Variants in STK24 observed in about 807,000 individuals in gnomAD.
STK24 encodes the protein serine/threonine kinase 24.
Under a neutral mutation model 55.6 loss-of-function variants are expected in STK24, and 21 were observed. The ratio of observed to expected loss-of-function variants is 0.38; its 90% confidence interval spans 0.27 to 0.54. STK24 has a LOEUF of 0.54. STK24 is among the 20% of genes least tolerant of loss of function. The probability of loss-of-function intolerance (pLI) is 0.79; values close to 1 mark genes in which losing one functional copy is unlikely to be tolerated. For missense variants in STK24, 383 were observed against 538.4 expected, an observed-to-expected ratio of 0.71 and a Z score of 2.86; for synonymous variants, 200 against 215.2, an observed-to-expected ratio of 0.93 and a Z score of 0.62.
At chr13:98,564,195 T>C (rs1897507101) in intron 1 of STK24, among the ~76,000 whole-genome samples, 1 of 152,194 alleles carries the variant, frequency 6.6e-6, no homozygotes, top group African/African-American at 2.4e-5. Flanking sequence ...GTATTACATT[T>C]AGTTAAGTGT....
chr13:98,476,572 G>A (rs1015166216), intron 3 of STK24, among the ~76,000 whole-genome samples: 10 of 152,240 alleles, frequency 6.6e-5, no homozygotes, highest in Admixed American at 6.5e-4. Context: ...GGAAGCATCC[G>A]ACTCAGGCGT....
chr13:98,546,622 C>T (rs546370438), intron 1 of STK24, among the ~76,000 whole-genome samples: 1 of 152,286 alleles, frequency 6.6e-6, no homozygotes, highest in South Asian at 2.1e-4. Context: ...GCCAGCTTAT[C>T]CTCCAAACAT....
Position 98,498,138 on chromosome 13 carries a change from G to T in STK24, c.274-15817C>A, listed in dbSNP as rs554482064. Among the ~76,000 whole-genome samples, 1,383 of 152,322 alleles carry T rather than the reference G, an allele frequency of 9.1e-3. 18 individuals are homozygous for T. The highest frequency in any genetic ancestry group is 0.03 in the African/African-American group (1,262 of 41,560). On this transcript the variant is annotated intron_variant, in intron 2 of 10. Transcript: ENST00000539966. Reference sequence around the variant, plus strand: ...GTTAGCTGAGCACTGATGGTCTATTGTTTGAACTGTTGATAGAGATATGAT... The same window carrying T: ...GTTAGCTGAGCACTGATGGTCTATTTTTTGAACTGTTGATAGAGATATGAT...
intron 2 of STK24, among the ~76,000 whole-genome samples, chr13:98,512,859 A>G (rs1226390929): frequency 6.6e-6 from 1 of 152,260 alleles, no homozygotes; most frequent in Non-Finnish European, 1.5e-5. Context: ...GACTCCACTC[A>G]GTGAGGGAGG....
intron 1 of STK24, 24 bp downstream of exon 1, chr13:98,576,721 G>A (rs1188864489): frequency 2.1e-6 from 3 of 1,458,058 alleles, no homozygotes; most frequent in Middle Eastern, 2.3e-4. Flanking sequence ...GCGCATCCCG[G>A]CCCCGCGGCC....
rs536078125 is a variant in STK24, at chr13:98,449,094, G to C, written c.*4079C>G. The C allele has an allele frequency of 6.6e-6, 1 of 152,182 alleles. No individual in the cohort carries two copies. Among genetic ancestry groups the C allele is most frequent in the African/African-American group, 2.4e-5 (1 of 41,426 alleles). The allele number at this position is 152,182 out of a possible 1,614,324, so 9.4% of individuals were successfully genotyped here. A position where few individuals can be genotyped will look rare whatever the true frequency, so the allele number is the denominator to read the frequency against. Reference sequence around the variant, plus strand: ...GTACACAATGGGAAGATAATAAGCCGTGGTGTTTTGCTGTCTGTCTGTGTC... The same window carrying C: ...GTACACAATGGGAAGATAATAAGCCCTGGTGTTTTGCTGTCTGTCTGTGTC... On this transcript the variant is annotated 3_prime_UTR_variant, in exon 11 of 11. Transcript: ENST00000539966.
chr13:98,489,446 C>G (rs181912291), intron 2 of STK24, among the ~76,000 whole-genome samples: 2 of 152,336 alleles, frequency 1.3e-5, no homozygotes, highest in Non-Finnish European at 2.9e-5. Flanking sequence ...TTAACTGATT[C>G]ATCTAACACA....
chr13:98,519,221 A>G (rs777130089), intron 2 of STK24, 22 bp downstream of exon 2: 4 of 1,596,924 alleles, frequency 2.5e-6, no homozygotes, highest in East Asian at 4.5e-5. Flanking sequence ...AGAACGGAGA[A>G]GCACGTTATT....
chr13:98,511,994 C>T (rs924758961), intron 2 of STK24, among the ~76,000 whole-genome samples: 7 of 150,376 alleles, frequency 4.7e-5, no homozygotes, highest in African/African-American at 1.5e-4. Flanking sequence ...AAGCGATTCT[C>T]GTGCCTCGGC....
At chr13:98,558,665 C>A (rs1897335989) in intron 1 of STK24, among the ~76,000 whole-genome samples, 1 of 152,164 alleles carries the variant, frequency 6.6e-6, no homozygotes, top group African/African-American at 2.4e-5. Context: ...GCTTTTCTAG[C>A]CTAGCCTCAC....
chr13:98,546,508 G>C (rs941086594), intron 1 of STK24, among the ~76,000 whole-genome samples: 2 of 152,164 alleles, frequency 1.3e-5, no homozygotes, highest in African/African-American at 4.8e-5. Flanking sequence ...ATGGTGAACA[G>C]GGACTTCCTT....
intron 6 of STK24, among the ~76,000 whole-genome samples, chr13:98,465,164 G>A (rs1391954583): frequency 2.0e-5 from 3 of 152,200 alleles, no homozygotes; most frequent in East Asian, 1.9e-4. Context: ...CCCAAACACC[G>A]AGTCGAACCA....
intron 2 of STK24, among the ~76,000 whole-genome samples, chr13:98,499,454 C>G (rs1253311193): frequency 6.6e-6 from 1 of 152,216 alleles, no homozygotes; most frequent in South Asian, 2.1e-4. Flanking sequence ...ACCCTCTCAT[C>G]AATCCCTTGG....
At chr13:98,489,652 G>A (rs190247131) in intron 2 of STK24, among the ~76,000 whole-genome samples, 181 of 152,302 alleles carry the variant, frequency 1.2e-3, no homozygotes, top group Middle Eastern at 6.8e-3. Context: ...GGAGGGAGGC[G>A]GCACCTGAGC....
Position 98,466,559 on chromosome 13 carries a change from T to G in STK24, c.600A>C (p.Ala200=), listed in dbSNP as rs377475281. The change falls in exon 6 of 11, where the codon GCA becomes GCC. Residue 200 remains alanine (A), a splice_region_variant and synonymous_variant. Transcript: ENST00000539966. Reference sequence around the variant, plus strand: ...CTGTTATGCCCAGGGACCAGATGTCTGCCTGCAACAAGAAAAGCATCTTTA... The same window carrying G: ...CTGTTATGCCCAGGGACCAGATGTCGGCCTGCAACAAGAAAAGCATCTTTA... ...VIKQSAYDSK[A]DIWSLGITAI... The G allele has an allele frequency of 3.7e-6, 6 of 1,613,140 alleles. No homozygotes were observed. The African/African-American group carries it at 8.0e-5, about 22-fold the overall frequency.
intron 1 of STK24, among the ~76,000 whole-genome samples, chr13:98,531,608 T>C (rs753645435): frequency 3.3e-5 from 5 of 152,160 alleles, no homozygotes; most frequent in Non-Finnish European, 5.9e-5. Flanking sequence ...AAGCTCCTGA[T>C]TTTGACTTAA....
At chr13:98,534,205 G>A (rs1896652651) in intron 1 of STK24, among the ~76,000 whole-genome samples, 2 of 152,290 alleles carry the variant, frequency 1.3e-5, no homozygotes, top group South Asian at 4.1e-4. Context: ...GTTGTGTGGG[G>A]TACTTTTCTT....
chr13:98,565,289 G>C (rs1814308919), intron 1 of STK24, among the ~76,000 whole-genome samples: 1 of 151,926 alleles, frequency 6.6e-6, no homozygotes, highest in African/African-American at 2.4e-5. Flanking sequence ...AGAGCCTGTA[G>C]TCTGCATTTT....
chr13:98,452,053 A>C lies in STK24; in HGVS notation c.*1120T>G, dbSNP rs114541728. On this transcript the variant is annotated 3_prime_UTR_variant, in exon 11 of 11. Transcript: ENST00000539966. The stretch of plus-strand genomic sequence containing the variant: ...TGGGGACTTCTCCCTGGAGTCTTCC[A>C]AAGTGTCTCATCACACACACACAGC... The C allele has an allele frequency of 5.1e-4, 77 of 152,388 alleles. No individual in the cohort carries two copies. Among genetic ancestry groups the C allele is most frequent in the African/African-American group, 1.8e-3 (74 of 41,584 alleles). 9.4% of individuals were successfully genotyped at this position (152,388 alleles called of 1,614,324 possible). A position where few individuals can be genotyped will look rare whatever the true frequency, so the allele number is the denominator to read the frequency against.
Sources: gnomAD v4.1 joint callset for allele counts (sites outside exome capture counted in the v4.1 genomes callset) on GRCh38, gnomAD v4.1.1 for gene constraint, MANE v1.5 for transcripts, NCBI Gene and HGNC (gene_info 2026-07-23, HGNC 2026-07-21) for gene names.